The following EPS15L1 variants were observed in gnomAD, a reference collection of about 807,000 sequenced individuals.
The protein encoded by EPS15L1 is epidermal growth factor receptor pathway substrate 15 like 1.
EPS15L1 carries 43 observed loss-of-function variants against 117.1 expected under a neutral mutation model. That is an observed-to-expected ratio of 0.37 (90% confidence interval 0.29 to 0.47). EPS15L1 has a LOEUF of 0.47. Ranked by LOEUF, EPS15L1 falls within the 20% of genes least tolerant of loss-of-function variation. The pLI is 0.99. For missense variants in EPS15L1, 981 were observed against 1,164.0 expected, an observed-to-expected ratio of 0.84 and a Z score of 2.29; for synonymous variants, 459 against 470.5, an observed-to-expected ratio of 0.98 and a Z score of 0.32.
intron 1 of EPS15L1, among the ~76,000 whole-genome samples, chr19:16,447,111 C>G (rs929203789): frequency 6.6e-6 from 1 of 152,210 alleles, no homozygotes; most frequent in Non-Finnish European, 1.5e-5. Context: ...CCAGCCCTCC[C>G]AGCAGGCCGG....
At chr19:16,407,568 C>T (rs546899610) in intron 13 of EPS15L1, among the ~76,000 whole-genome samples, 18 of 152,218 alleles carry the variant, frequency 1.2e-4, no homozygotes, top group African/African-American at 1.9e-4. Context: ...TCAAGTGATC[C>T]GCCAGACTCA....
intron 19 of EPS15L1, among the ~76,000 whole-genome samples, chr19:16,386,978 G>A (rs1212048279): frequency 2.6e-5 from 4 of 152,146 alleles, no homozygotes; most frequent in Non-Finnish European, 5.9e-5. Flanking sequence ...ATAAAGAACT[G>A]GAAAAATGTG....
At chr19:16,413,087 G>A in intron 13 of EPS15L1, 4 of 688,714 alleles carry the variant, frequency 5.8e-6, no homozygotes, top group South Asian at 5.8e-5. Flanking sequence ...TTGCTATCGG[G>A]GACTACAATG....
rs557030276 is a variant in EPS15L1, at chr19:16,365,034, T to G, written c.2381-3050A>C. 6.6e-6 allele frequency among the ~76,000 whole-genome samples: 1 copy of G among 152,336 alleles called. No homozygotes were observed. Among genetic ancestry groups the G allele is most frequent in the South Asian group, 2.1e-4 (1 of 4,828 alleles). ...CAGGAACCCCCAAACCCAGGGCTTC[T>G]TTCCTGGCTATGCCTTGTCCCTCTG... On this transcript the variant is annotated intron_variant, in intron 22 of 23. Coordinates refer to ENST00000455140, the MANE Select transcript of EPS15L1 (RefSeq NM_001258374.3). The surrounding 1 kb of genome is among the most constrained non-coding windows in gnomAD (Gnocchi z 4.9).
intron 10 of EPS15L1, among the ~76,000 whole-genome samples, chr19:16,420,025 C>G (rs982989541): frequency 3.3e-5 from 5 of 152,242 alleles, no homozygotes; most frequent in African/African-American, 4.8e-5. Flanking sequence ...CGTACGGTGG[C>G]AGCCATCGCA....
intron 22 of EPS15L1, among the ~76,000 whole-genome samples, chr19:16,366,199 A>G (rs928838467): frequency 6.6e-6 from 1 of 152,086 alleles, no homozygotes; most frequent in Admixed American, 6.6e-5. Context: ...ACACTGCTTG[A>G]TTTCTCGAAG....
At chr19:16,458,714 A>G (rs1911265742) in intron 1 of EPS15L1, among the ~76,000 whole-genome samples, 1 of 152,066 alleles carries the variant, frequency 6.6e-6, no homozygotes, top group Admixed American at 6.6e-5. Flanking sequence ...ACACACACAT[A>G]CACACAATCA....
At position 16,403,871 on chromosome 19, in the gene EPS15L1, G is replaced by A. The variant is rs76985523; in HGVS notation, c.1488C>T (p.Asp496=). 308 of 1,614,096 alleles carry A rather than the reference G, an allele frequency of 1.9e-4. 4 individuals are homozygous for A. The East Asian group carries it at 5.1e-3, about 27-fold the overall frequency. ...GCTCCGACTTGGCTCGGTTCAGATC[G>A]TCTTCCTGGGACTTTAAGTCAGATT... ...SQESDLKSQE[D]DLNRAKSELN... is the part of the protein sequence containing the mutation. Residue 496 remains aspartate (D), a synonymous_variant, in exon 15 of 24, where the codon GAC becomes GAT. Coordinates refer to ENST00000455140, the MANE Select transcript of EPS15L1 (RefSeq NM_001258374.3).
At chr19:16,367,018 C>T (rs954642640) in intron 22 of EPS15L1, among the ~76,000 whole-genome samples, 5 of 152,024 alleles carry the variant, frequency 3.3e-5, no homozygotes, top group Non-Finnish European at 7.4e-5. Flanking sequence ...AGCTGCCACG[C>T]GCACCCACGC....
At chr19:16,464,049 G>A (rs937695886) in intron 1 of EPS15L1, among the ~76,000 whole-genome samples, 5 of 152,220 alleles carry the variant, frequency 3.3e-5, no homozygotes, top group South Asian at 2.1e-4. Context: ...GTCAGCTGCC[G>A]GTAGCAGCGC....
rs2092230184 is a variant in EPS15L1, at chr19:16,371,905, A to G, written c.2380+5217T>C. On this transcript the variant is annotated intron_variant, in intron 22 of 23. Transcript: ENST00000455140. This position sits in a 1 kb window ranked among gnomAD's most constrained non-coding sequence, Gnocchi z 4.7. ...CCTGGGGGAGGTGTGTGCCACGGCT[A>G]ACTTTAACCTAACTCTAACTGACAG... Among the ~76,000 whole-genome samples, 1 of 152,210 alleles carries G rather than the reference A, an allele frequency of 6.6e-6. No homozygotes were observed. The highest frequency in any genetic ancestry group is 2.4e-5 in the African/African-American group (1 of 41,438).
In EPS15L1 at chr19:16,405,860, G is replaced by C. The variant is rs2092650829; in HGVS notation, c.1267-1111C>G. Reference sequence around the variant, plus strand: ...ACGCAAATGCATTATCTGTCTTTAAGATAAATAACCAAAGCTGAAATAGCA... The same window carrying C: ...ACGCAAATGCATTATCTGTCTTTAACATAAATAACCAAAGCTGAAATAGCA... On this transcript the variant is annotated intron_variant, in intron 13 of 23. Coordinates refer to ENST00000455140, the MANE Select transcript of EPS15L1 (RefSeq NM_001258374.3). The surrounding 1 kb of genome is among the most constrained non-coding windows in gnomAD (Gnocchi z 4.0). Among the ~76,000 whole-genome samples, 1 of 152,226 alleles carries C rather than the reference G, an allele frequency of 6.6e-6. No homozygotes were observed. Among genetic ancestry groups the C allele is most frequent in the Non-Finnish European group, 1.5e-5 (1 of 68,034 alleles).
At chr19:16,399,691 T>C (rs1418087730) in intron 16 of EPS15L1, among the ~76,000 whole-genome samples, 4 of 151,778 alleles carry the variant, frequency 2.6e-5, no homozygotes, top group African/African-American at 9.7e-5. Flanking sequence ...GTTTTTTTTT[T>C]TTTTTTAGAG....
chr19:16,367,497 TAAAAAAAAAAAAAAA>T (rs71178691), intron 22 of EPS15L1, among the ~76,000 whole-genome samples: 1 of 65,304 alleles, frequency 1.5e-5, no homozygotes, highest in Non-Finnish European at 2.7e-5. Context: ...TATGTGCTGT[TAAAAAAAAAAAAAAA>T]AAAAAAAAAA....
chr19:16,377,034 C>G (rs1294904404), intron 22 of EPS15L1, 88 bp downstream of exon 22: 14 of 1,467,100 alleles, frequency 9.5e-6, no homozygotes, highest in Non-Finnish European at 1.3e-5. Flanking sequence ...GCATCTGCTG[C>G]TACTCTGGGC....
rs2091969653 is a variant in EPS15L1 at position 16,355,591 on chromosome 19, A to T, written c.*114T>A. On this transcript the variant is annotated 3_prime_UTR_variant, in exon 24 of 24. Transcript: ENST00000455140. ...TCTGCTCACCCTGAACAAGCCCCCG[A>T]GTCCCGGTCCTTGGAGTACGGTGGC... 7.5e-7 allele frequency: 1 copy of T among 1,326,280 alleles called. No individual in the cohort carries two copies. Among genetic ancestry groups the T allele is most frequent in the Non-Finnish European group, 1.0e-6 (1 of 986,354 alleles). 82.2% of individuals were successfully genotyped at this position (1,326,280 alleles called of 1,614,324 possible).
rs965249212 is a variant in EPS15L1 at position 16,394,122 on chromosome 19, G to A, written c.1916-121C>T. 1.1e-5 allele frequency: 9 copies of A among 844,094 alleles called. No homozygotes were observed. In the African/African-American group the frequency reaches 1.2e-4, roughly 11 times the overall value. 52.3% of individuals were successfully genotyped at this position (844,094 alleles called of 1,614,324 possible). A position where few individuals can be genotyped will look rare whatever the true frequency, so the allele number is the denominator to read the frequency against. ...GCCTTCTACTCCTCCAGTGTAGGGA[G>A]AGAATGTTAGTTCCTTCTCTACTAT... On this transcript the variant is annotated intron_variant, in intron 17 of 23. Transcript: ENST00000455140.
chr19:16,374,225 C>A (rs780324585), intron 22 of EPS15L1, among the ~76,000 whole-genome samples: 3 of 152,316 alleles, frequency 2.0e-5, no homozygotes, highest in East Asian at 1.9e-4. Context: ...CATGGCCTGG[C>A]CTGTCTCCCT....
chr19:16,391,495 C>G (rs2092473636), intron 19 of EPS15L1, among the ~76,000 whole-genome samples: 1 of 152,092 alleles, frequency 6.6e-6, no homozygotes, highest in Non-Finnish European at 1.5e-5. Flanking sequence ...AGCAGGAGCC[C>G]TGAGAAGGAG....
Sources: gnomAD v4.1 joint callset for allele counts (sites outside exome capture counted in the v4.1 genomes callset) on GRCh38, gnomAD v4.1.1 for gene constraint, Gnocchi (gnomAD v3.1) non-coding constraint, MANE v1.5 for transcripts, NCBI Gene and HGNC (gene_info 2026-07-23, HGNC 2026-07-21) for gene names.